The following ACTMAP variants were observed in gnomAD, a reference collection of about 807,000 sequenced individuals.
ACTMAP encodes the protein UPF0692 protein C19orf54.
chr19:40,741,340 G>A, the ACTMAP span: 1 of 211,292 alleles, frequency 4.7e-6, no homozygotes, highest in African/African-American at 2.3e-5. Flanking sequence ...TTACTTGGGG[G>A]GCTGAGGCAG....
chr19:40,741,639 A>G, the ACTMAP span: 1 of 441,450 alleles, frequency 2.3e-6, no homozygotes. Context: ...CATAATGTTC[A>G]GGGAGCCAGG....
At chr19:40,742,784 G>C in the ACTMAP span, 28 of 1,595,608 alleles carry the variant, frequency 1.8e-5, no homozygotes, top group African/African-American at 1.1e-4. Flanking sequence ...GGGGAGAGGA[G>C]AAGGTGGTGA....
At chr19:40,741,818 A>G in the ACTMAP span, 2 of 456,460 alleles carry the variant, frequency 4.4e-6, no homozygotes, top group East Asian at 7.0e-5. Flanking sequence ...CTGCTAACAC[A>G]GGTAGAGGGG....
At chr19:40,742,750 C>A in the ACTMAP span, 5 of 1,609,250 alleles carry the variant, frequency 3.1e-6, no homozygotes, top group South Asian at 5.5e-5. Context: ...CTGGGCACAG[C>A]CCGAACACCC....
chr19:40,749,607 C>T, the ACTMAP span: 4 of 1,550,462 alleles, frequency 2.6e-6, no homozygotes, highest in Non-Finnish European at 2.6e-6. Flanking sequence ...GGGAGCAGGC[C>T]CTGTGGCAGC....
At chr19:40,744,845 G>C in the ACTMAP span, 2 of 1,189,320 alleles carry the variant, frequency 1.7e-6, no homozygotes, top group Admixed American at 2.8e-5. Flanking sequence ...CAGGGCTGGA[G>C]GGCTGGGGGT....
At chr19:40,744,940 T>C in the ACTMAP span, 1 of 809,676 alleles carries the variant, frequency 1.2e-6, no homozygotes, top group Non-Finnish European at 2.0e-6. Context: ...CATTCGTTCA[T>C]TCCTCGCATG....
chr19:40,744,172 T>A, the ACTMAP span: 1 of 1,595,784 alleles, frequency 6.3e-7, no homozygotes, highest in Non-Finnish European at 8.5e-7. Flanking sequence ...CAGCACCTCC[T>A]GGGCCAGCCT....
the ACTMAP span, chr19:40,749,553 G>T: frequency 5.2e-6 from 8 of 1,551,238 alleles, no homozygotes; most frequent in Non-Finnish European, 6.1e-6. Flanking sequence ...CTTATCAAAG[G>T]CCTCCTTCAG....
the ACTMAP span, among the ~76,000 whole-genome samples, chr19:40,743,284 G>A: frequency 1.4e-4 from 21 of 149,928 alleles, no homozygotes; most frequent in Non-Finnish European, 8.9e-5. Context: ...CCAGGTTGGA[G>A]TGCAGTGGCA....
chr19:40,743,344 T>C, the ACTMAP span, among the ~76,000 whole-genome samples: 17 of 152,070 alleles, frequency 1.1e-4, no homozygotes, highest in African/African-American at 3.9e-4. Context: ...GCAATTTTCC[T>C]GCTTCAGCCT....
chr19:40,743,934 C>T, the ACTMAP span: 5 of 1,614,022 alleles, frequency 3.1e-6, no homozygotes, highest in Non-Finnish European at 3.4e-6. Flanking sequence ...TGCCTTGTGG[C>T]CCTTCCTCTG....
At chr19:40,742,675 G>T in the ACTMAP span, 2 of 1,613,228 alleles carry the variant, frequency 1.2e-6, no homozygotes, top group East Asian at 4.5e-5. Flanking sequence ...GATGGTGGTT[G>T]GCAGGGCGTG....
chr19:40,744,328 C>A, the ACTMAP span: 1 of 1,396,094 alleles, frequency 7.2e-7, no homozygotes, highest in Non-Finnish European at 9.5e-7. Context: ...AAATGAGGCA[C>A]AAAGAGCGTG....
the ACTMAP span, chr19:40,750,453 C>T: frequency 1.3e-5 from 2 of 152,120 alleles, no homozygotes; most frequent in African/African-American, 4.8e-5. Flanking sequence ...GGAAAGGAGT[C>T]AGGAAGTAAA....
chr19:40,747,998 CCAGGAAAATGAGA>C, the ACTMAP span, among the ~76,000 whole-genome samples: 1 of 152,148 alleles, frequency 6.6e-6, no homozygotes, highest in Non-Finnish European at 1.5e-5. Context: ...AGTTTTCTCA[CCAGGAAAATGAGA>C]CAATAAAAGT....
chr19:40,745,127 T>C, the ACTMAP span: 29 of 1,551,738 alleles, frequency 1.9e-5, 1 homozygote, highest in Middle Eastern at 3.3e-4. Flanking sequence ...TCAGGGCACA[T>C]ACTGAGGGCC....
At chr19:40,742,347 T>C in the ACTMAP span, 1 of 1,330,458 alleles carries the variant, frequency 7.5e-7, no homozygotes, top group Non-Finnish European at 1.0e-6. Context: ...CTAGCTTCAA[T>C]CTTGTCGCCA....
At chr19:40,750,069 G>A in the ACTMAP span, 1 of 388,524 alleles carries the variant, frequency 2.6e-6, no homozygotes, top group East Asian at 4.3e-5. Context: ...TACCGGTTGG[G>A]TTACCTCGGG....
Sources: gnomAD v4.1 joint callset for allele counts (sites outside exome capture counted in the v4.1 genomes callset) on GRCh38, gnomAD v4.1.1 for gene constraint, MANE v1.5 for transcripts, NCBI Gene and HGNC (gene_info 2026-07-23, HGNC 2026-07-21) for gene names.